NOSTRIN: variants seen among roughly 807,000 people sequenced by gnomAD.
NOSTRIN encodes nitric oxide synthase trafficking.
NOSTRIN carries 63 observed loss-of-function variants against 59.0 expected under a neutral mutation model. That is an observed-to-expected ratio of 1.07 (90% CI 0.87 to 1.32). NOSTRIN has a LOEUF of 1.32. Ranked by LOEUF, NOSTRIN falls within the 40% of genes most tolerant of loss-of-function variation. The pLI is 0.00. For synonymous variants in NOSTRIN, 200 were observed against 165.4 expected, an observed-to-expected ratio of 1.21 and a Z score of -1.61; for missense variants, 512 against 473.1, an observed-to-expected ratio of 1.08 and a Z score of -0.76.
chr2:168,863,541 T>C (rs965466465), intron 15 of NOSTRIN: 17 of 985,256 alleles, frequency 1.7e-5, no homozygotes, highest in Non-Finnish European at 1.9e-5. Flanking sequence ...CAATTCTCTA[T>C]GGAATTCTCT....
At chr2:168,796,276 A>G (rs1055489821), upstream of NOSTRIN, among the ~76,000 whole-genome samples, 4 of 152,232 alleles carry the variant, frequency 2.6e-5, no homozygotes, top group Non-Finnish European at 4.4e-5. Context: ...TTCGGAAGAC[A>G]TGTTAAGGTG....
At chr2:168,861,089 A>T (rs1406718896) in intron 14 of NOSTRIN, among the ~76,000 whole-genome samples, 180 bp downstream of exon 14, 1 of 152,236 alleles carries the variant, frequency 6.6e-6, no homozygotes, top group East Asian at 1.9e-4. Context: ...AAAAGTTAAG[A>T]AGAGTAGAGG....
At chr2:168,824,740 G>A in intron 3 of NOSTRIN, 23 bp downstream of exon 3, 2 of 868,660 alleles carry the variant, frequency 2.3e-6, no homozygotes, top group Non-Finnish European at 4.0e-6. Context: ...GCAGAGGTAA[G>A]GCAAAATCAA....
intron 10 of NOSTRIN, among the ~76,000 whole-genome samples, chr2:168,852,456 T>A (rs923804573): frequency 2.6e-5 from 4 of 152,228 alleles, no homozygotes; most frequent in Non-Finnish European, 5.9e-5. Flanking sequence ...CCCCTCTTGA[T>A]ATTCTTAATT....
intron 5 of NOSTRIN, among the ~76,000 whole-genome samples, chr2:168,828,918 T>C (rs1483760974): frequency 6.6e-6 from 1 of 152,106 alleles, no homozygotes; most frequent in African/African-American, 2.4e-5. Flanking sequence ...TGTATATATA[T>C]GTATAGAAAA....
At chr2:168,791,648 C>A (rs1265884323) in intron 2 of NOSTRIN, among the ~76,000 whole-genome samples, 3 of 152,192 alleles carry the variant, frequency 2.0e-5, no homozygotes, top group African/African-American at 7.2e-5. Context: ...TCCTCTCCAG[C>A]ACCTGTTGTT....
At position 168,827,388 on chromosome 2, in the gene NOSTRIN, G is replaced by A. The variant is rs561200621; in HGVS notation, c.198-770G>A. 6.6e-5 allele frequency among the ~76,000 whole-genome samples: 10 copies of A among 152,290 alleles called. No homozygotes were observed. In the East Asian group the frequency reaches 1.9e-3, roughly 29 times the overall value. ...TTGTCCTCAAACCCAGCAGGGAACAGGAACTGGACTCCAACCCCAAGAGCA... is the reference window on the plus strand; with the variant it reads ...TTGTCCTCAAACCCAGCAGGGAACAAGAACTGGACTCCAACCCCAAGAGCA... On this transcript the variant is annotated intron_variant, in intron 3 of 15. Transcript: ENST00000317647.
intron 7 of NOSTRIN, 90 bp downstream of exon 7, chr2:168,834,415 C>T: frequency 2.9e-6 from 2 of 697,456 alleles, no homozygotes; most frequent in Non-Finnish European, 5.2e-6. Context: ...CGGGTTGATT[C>T]CTCCTTCTCT....
upstream of NOSTRIN, among the ~76,000 whole-genome samples, chr2:168,796,600 C>T (rs866135292): frequency 3.9e-5 from 6 of 152,172 alleles, no homozygotes; most frequent in Non-Finnish European, 8.8e-5. Context: ...GGGCACTCTT[C>T]GATTTTATTC....
chr2:168,828,387 T>C, intron 4 of NOSTRIN, 33 bp from the exon 5 acceptor site: 1 of 867,044 alleles, frequency 1.2e-6, no homozygotes, highest in South Asian at 1.3e-5. Flanking sequence ...ACGCTGATAT[T>C]ATGCTTATGT....
chr2:168,861,838 C>G (rs1200233702), intron 14 of NOSTRIN, 122 bp from the exon 15 acceptor site: 1 of 842,000 alleles, frequency 1.2e-6, no homozygotes, highest in East Asian at 2.6e-5. Flanking sequence ...TACAAACTTT[C>G]CTTTTGAGAA....
chr2:168,846,609 A>G (rs16856027), intron 8 of NOSTRIN, among the ~76,000 whole-genome samples: 13,028 of 152,262 alleles, frequency 0.086, 1,700 homozygotes, highest in African/African-American at 0.28. Context: ...AAGAAGAAAC[A>G]CTTCAGATGA....
upstream of NOSTRIN, among the ~76,000 whole-genome samples, chr2:168,795,908 G>GT (rs1051692127): frequency 1.3e-5 from 2 of 152,060 alleles, no homozygotes; most frequent in South Asian, 2.1e-4. Context: ...AAGTTGGATA[G>GT]TTTTTTTTCT....
rs898400982 is a variant in NOSTRIN at position 168,843,099 on chromosome 2, A to G, written c.612A>G (p.Thr204=). Residue 204 remains threonine, a synonymous_variant, in exon 8 of 16, where the codon ACA becomes ACG. Coordinates refer to ENST00000317647, the MANE Select transcript of NOSTRIN (RefSeq NM_001039724.4). ...CTACCAGACTGAAATGGGAAAACAC[A>G]CTAGAGAACTGCTACCAGGTAAGTT... is the stretch of plus-strand genomic sequence containing the variant. ...GYSTRLKWEN[T]LENCYQSILE... 1.1e-6 allele frequency: 1 copy of G among 871,612 alleles called. No individual in the cohort carries two copies. Among genetic ancestry groups the G allele is most frequent in the South Asian group, 1.3e-5 (1 of 76,240 alleles). 54.0% of individuals were successfully genotyped at this position (871,612 alleles called of 1,614,324 possible).
At chr2:168,859,773 A>T in intron 13 of NOSTRIN, 136 bp downstream of exon 13, 1 of 1,207,966 alleles carries the variant, frequency 8.3e-7, no homozygotes, top group Admixed American at 2.7e-5. Context: ...AAGAAGATAA[A>T]TGTTTTTATT....
chr2:168,853,395 A>G (rs541204967), intron 10 of NOSTRIN, among the ~76,000 whole-genome samples: 36 of 152,354 alleles, frequency 2.4e-4, no homozygotes, highest in African/African-American at 8.4e-4. Context: ...TAAGGTTACC[A>G]TAAATGCCAT....
intron 15 of NOSTRIN, among the ~76,000 whole-genome samples, chr2:168,864,370 TCTGCCTCCCGGGTTCAAGGATTCTC>T (rs1689712818): frequency 1.3e-5 from 2 of 150,642 alleles, no homozygotes; most frequent in Non-Finnish European, 2.9e-5. Context: ...CACTGCAACC[TCTGCCTCCCGGGTTCAAGGATTCTC>T]CTGCCTCAGC....
chr2:168,817,474 A>G (rs1172646441), intron 2 of NOSTRIN, among the ~76,000 whole-genome samples: 1 of 152,138 alleles, frequency 6.6e-6, no homozygotes, highest in African/African-American at 2.4e-5. Context: ...GATCAATTTG[A>G]CTGGTATTTA....
intron 14 of NOSTRIN, among the ~76,000 whole-genome samples, chr2:168,861,151 C>T (rs1322517805): frequency 6.6e-6 from 1 of 152,188 alleles, no homozygotes. Flanking sequence ...TGACTGGCAT[C>T]CACCTTATTC....
Sources: gnomAD v4.1 joint callset for allele counts (sites outside exome capture counted in the v4.1 genomes callset) on GRCh38, gnomAD v4.1.1 for gene constraint, MANE v1.5 for transcripts, NCBI Gene and HGNC (gene_info 2026-07-23, HGNC 2026-07-21) for gene names.